The following ATRX variants were observed in gnomAD, a reference collection of about 807,000 sequenced individuals.
ATRX encodes the protein ATRX chromatin remodeler.
In ATRX, 12 loss-of-function variants were observed where a neutral mutation model predicts 172.6. The ratio of observed to expected loss-of-function variants is 0.07; its 90% confidence interval spans 0.04 to 0.11. ATRX has a LOEUF of 0.11. Among genes scored for constraint, ATRX ranks in the 10% least tolerant of loss-of-function variants. ATRX has a pLI of 1.00. For missense variants in ATRX, 1,368 were observed against 1,767.4 expected (o/e 0.77, Z 4.05); for synonymous variants, 674 against 594.7 (o/e 1.13, Z -1.94).
At chrX:77,684,692 T>C in intron 8 of ATRX, 99 bp from the exon 9 acceptor site, 5 of 974,499 alleles carry the variant, frequency 5.1e-6, no homozygotes, top group Non-Finnish European at 7.2e-6. Context: ...ACAAAACTCA[T>C]TTTAATCTCT....
At chrX:77,724,030 C>T (rs2073906609) in intron 1 of ATRX, among the ~76,000 whole-genome samples, 1 of 111,252 alleles carries the variant, frequency 9.0e-6, no homozygotes, top group African/African-American at 3.3e-5. Flanking sequence ...CCTGTAACCC[C>T]GGCACTTTGG....
At chrX:77,646,561 A>G (rs1229799485) in intron 15 of ATRX, among the ~76,000 whole-genome samples, 7 of 111,941 alleles carry the variant, frequency 6.3e-5, no homozygotes, top group African/African-American at 2.3e-4. Context: ...AAATAGCCCA[A>G]TATCAATAAA....
At chrX:77,641,929 T>C (rs1232596401) in intron 15 of ATRX, among the ~76,000 whole-genome samples, 2 of 112,082 alleles carry the variant, frequency 1.8e-5, no homozygotes, top group African/African-American at 3.2e-5. Context: ...AAGCTGGATA[T>C]GGTAGCTCAC....
chrX:77,578,375 C>T (rs1159469528), intron 27 of ATRX, among the ~76,000 whole-genome samples: 2 of 111,918 alleles, frequency 1.8e-5, no homozygotes, highest in African/African-American at 3.2e-5. Flanking sequence ...TTCCAGGTAG[C>T]GCAGCTTAGA....
chrX:77,650,709 C>T (rs1446907176), intron 15 of ATRX, among the ~76,000 whole-genome samples: 12 of 110,434 alleles, frequency 1.1e-4, no homozygotes, highest in African/African-American at 3.3e-4. Flanking sequence ...CTCAGCCTCC[C>T]AAGAGGCTGA....
At chrX:77,768,676 A>G (rs782281196) in intron 1 of ATRX, among the ~76,000 whole-genome samples, 2 of 111,895 alleles carry the variant, frequency 1.8e-5, no homozygotes, top group African/African-American at 6.5e-5. Flanking sequence ...TAGAGACAGA[A>G]TACATAAGTG....
chrX:77,549,232 A>G (rs943490003), intron 30 of ATRX, among the ~76,000 whole-genome samples: 34 of 111,278 alleles, frequency 3.1e-4, no homozygotes, highest in Admixed American at 2.2e-3. Flanking sequence ...GAAAAATACA[A>G]AAATTAGCCA....
chrX:77,734,459 C>T (rs186048546), intron 1 of ATRX, among the ~76,000 whole-genome samples: 1 of 110,628 alleles, frequency 9.0e-6, no homozygotes, highest in East Asian at 2.8e-4. Context: ...TAAACGGTGC[C>T]GGGAAAACTG....
intron 10 of ATRX, among the ~76,000 whole-genome samples, chrX:77,667,295 ATGTGTGTGTGTGTG>A (rs782297684): frequency 3.6e-4 from 32 of 89,056 alleles, no homozygotes; most frequent in African/African-American, 1.0e-3. Context: ...ACGAATAAAT[ATGTGTGTGTGTGTG>A]TGTGTGTGTG....
At chrX:77,656,006 T>A (rs1463488308) in intron 13 of ATRX, among the ~76,000 whole-genome samples, 4 of 111,544 alleles carry the variant, frequency 3.6e-5, no homozygotes, top group African/African-American at 1.3e-4. Context: ...ACAGGTAATC[T>A]AGATCAGTGA....
rs1269346367 is a variant in ATRX at position 77,779,684 on chromosome X, A to G, written c.20+6298T>C. Among the ~76,000 whole-genome samples, 3 of 112,525 alleles carry G rather than the reference A, an allele frequency of 2.7e-5. No individual in the cohort carries two copies. In the East Asian group the frequency reaches 8.4e-4, roughly 31 times the overall value. On this transcript the variant is annotated intron_variant, in intron 1 of 34. Coordinates refer to ENST00000373344, the MANE Select transcript of ATRX (RefSeq NM_000489.6). The stretch of plus-strand genomic sequence containing the variant: ...GCAGGAATTTTATTACCTTTGGCAT[A>G]ACCCTAACACAGTGCCATGCCTGGC...
chrX:77,772,561 C>G (rs963545605), intron 1 of ATRX, among the ~76,000 whole-genome samples: 4 of 107,245 alleles, frequency 3.7e-5, no homozygotes, highest in African/African-American at 6.8e-5. Context: ...ACTGCAACCT[C>G]TGCCCCCTGG....
At chrX:77,727,270 G>A (rs1238678887) in intron 1 of ATRX, among the ~76,000 whole-genome samples, 1 of 111,810 alleles carries the variant, frequency 8.9e-6, no homozygotes, top group Non-Finnish European at 1.9e-5. Flanking sequence ...AAGACAGTGT[G>A]ACGATTCCAC....
At chrX:77,645,386 G>A (rs1303371022) in intron 15 of ATRX, among the ~76,000 whole-genome samples, 5 of 111,332 alleles carry the variant, frequency 4.5e-5, no homozygotes, top group East Asian at 2.8e-4. Context: ...TGATCCTCCC[G>A]CCTCGGTCTC....
chrX:77,618,366 C>G (rs1191308607), intron 21 of ATRX, among the ~76,000 whole-genome samples: 1 of 111,816 alleles, frequency 8.9e-6, no homozygotes, highest in East Asian at 2.8e-4. Context: ...AGTAACAAAA[C>G]TGTTTCTCCA....
chrX:77,685,116 G>C (rs1557143167), intron 7 of ATRX, 110 bp from the exon 8 acceptor site: 2 of 604,820 alleles, frequency 3.3e-6, no homozygotes, highest in African/African-American at 4.5e-5. Context: ...AAATCTCCAG[G>C]ACACTGGTGT....
At chrX:77,766,592 G>A (rs1557196023) in intron 1 of ATRX, among the ~76,000 whole-genome samples, 1 of 106,172 alleles carries the variant, frequency 9.4e-6, no homozygotes, top group African/African-American at 3.5e-5. Flanking sequence ...GGGGCGGCGG[G>A]GCAGAGGCGC....
At chrX:77,722,315 A>C (rs2073812507) in intron 1 of ATRX, among the ~76,000 whole-genome samples, 1 of 110,681 alleles carries the variant, frequency 9.0e-6, no homozygotes. Flanking sequence ...ACAAAAGCCA[A>C]AATTGACAAA....
Position 77,656,324 on chromosome X carries a change from G to A in ATRX, c.4214+236C>T, listed in dbSNP as rs34060420. On this transcript the variant is annotated intron_variant, in intron 13 of 34. Coordinates refer to ENST00000373344, the MANE Select transcript of ATRX (RefSeq NM_000489.6). ...ATTTCCCCCGTAACAATAAAACACT[G>A]CAGACACGAGTGGTTTTGCAGACTG... Among the ~76,000 whole-genome samples the A allele has an allele frequency of 0.047, 5,283 of 111,431 alleles. 314 individuals are homozygous for A. Among genetic ancestry groups the A allele is most frequent in the African/African-American group, 0.16 (5,033 of 30,665 alleles).
Sources: gnomAD v4.1 joint callset for allele counts (sites outside exome capture counted in the v4.1 genomes callset) on GRCh38, gnomAD v4.1.1 for gene constraint, MANE v1.5 for transcripts, NCBI Gene and HGNC (gene_info 2026-07-23, HGNC 2026-07-21) for gene names.